The following KIAA1549L variants were observed in gnomAD, a reference collection of about 807,000 sequenced individuals.
KIAA1549L encodes UPF0606 protein KIAA1549L.
Under a neutral mutation model 160.7 loss-of-function variants are expected in KIAA1549L, and 88 were observed. The ratio of observed to expected loss-of-function variants is 0.55; its 90% CI spans 0.46 to 0.65. The LOEUF (loss-of-function observed/expected upper bound fraction) is 0.65. KIAA1549L is among the 30% of genes least tolerant of loss of function. The pLI is 0.00. For missense variants in KIAA1549L, 2,258 were observed against 2,437.5 expected, an observed-to-expected ratio of 0.93 and a Z score of 1.55; for synonymous variants, 950 against 976.7, an observed-to-expected ratio of 0.97 and a Z score of 0.51.
rs1269237742 is a variant in KIAA1549L at position 33,528,615 on chromosome 11, C to CAT, written c.239-13183_239-13182dup. Reference sequence around the variant, plus strand: ...CAATGAGTGGATAAAGAAAAAGATACATATAGATATACACCATGGAATACC... The same window carrying CAT: ...CAATGAGTGGATAAAGAAAAAGATACATATATAGATATACACCATGGAATACC... On this transcript the variant is annotated intron_variant, in intron 1 of 20. Coordinates refer to ENST00000658780, the MANE Select transcript of KIAA1549L (RefSeq NM_012194.3). Among the ~76,000 whole-genome samples, 16 of 152,272 alleles carry CAT rather than the reference C, an allele frequency of 1.1e-4. No homozygotes were observed. In the East Asian group the frequency reaches 3.1e-3, roughly 29 times the overall value.
At chr11:33,426,834 CT>C (rs903415569) in intron 1 of KIAA1549L, among the ~76,000 whole-genome samples, 2 of 152,172 alleles carry the variant, frequency 1.3e-5, no homozygotes, top group African/African-American at 2.4e-5. Context: ...GGGTGCTCCC[CT>C]GAGGGCCTCC....
At chr11:33,523,403 CT>C (rs1853541862) in intron 1 of KIAA1549L, among the ~76,000 whole-genome samples, 1 of 152,200 alleles carries the variant, frequency 6.6e-6, no homozygotes, top group African/African-American at 2.4e-5. Flanking sequence ...TAGAGAACCC[CT>C]TTCCCCCCTC....
Position 33,665,865 on chromosome 11 carries a change from A to AG in KIAA1549L, c.6160-2002dup, listed in dbSNP as rs546782335. ...AGCAGACACCCCCAAGCCAGCAGGGAGGGGGGCACCTTCCCAAGATGCTGA... is the reference window on the plus strand; with the variant it reads ...AGCAGACACCCCCAAGCCAGCAGGGAGGGGGGGCACCTTCCCAAGATGCTGA... On this transcript the variant is annotated intron_variant, in intron 20 of 20. Coordinates refer to ENST00000658780, the MANE Select transcript of KIAA1549L (RefSeq NM_012194.3). Among the ~76,000 whole-genome samples, 730 of 152,244 alleles carry AG rather than the reference A, an allele frequency of 4.8e-3. 3 individuals are homozygous for AG. Among genetic ancestry groups the AG allele is most frequent in the Non-Finnish European group, 8.1e-3 (554 of 67,990 alleles).
intron 1 of KIAA1549L, among the ~76,000 whole-genome samples, chr11:33,527,800 A>T (rs1486252537): frequency 6.6e-6 from 1 of 152,242 alleles, no homozygotes; most frequent in East Asian, 1.9e-4. Flanking sequence ...TCAAAAGAAG[A>T]TGGTACAAGA....
At chr11:33,403,290 C>CATGCAGACACAG in intron 1 of KIAA1549L, 1 of 36,052 alleles carries the variant, frequency 2.8e-5, no homozygotes, top group Admixed American at 3.0e-4. Context: ...CAGACACACA[C>CATGCAGACACAG]ACACACACAC....
chr11:33,566,528 G>T (rs1855054394), intron 8 of KIAA1549L, among the ~76,000 whole-genome samples: 1 of 152,222 alleles, frequency 6.6e-6, no homozygotes, highest in African/African-American at 2.4e-5. Flanking sequence ...TGCATGAGCT[G>T]GGAGTGTCTC....
chr11:33,440,031 T>C (rs1439612223), intron 1 of KIAA1549L, among the ~76,000 whole-genome samples: 2 of 152,042 alleles, frequency 1.3e-5, no homozygotes, highest in East Asian at 3.8e-4. Flanking sequence ...TCTTATTTTA[T>C]GTGACATCTT....
chr11:33,545,189 C>G lies in KIAA1549L; in HGVS notation c.3196C>G (p.Pro1066Ala). The stretch of plus-strand genomic sequence containing the variant: ...CCTGGAGATGCCCAGAGCATCCACG[C>G]CACGCCCACTGACAGTCACGGCCGC... ...TNLEMPRASTPRPLTVTAALT... is the reference protein window; with the variant it reads ...TNLEMPRASTARPLTVTAALT... Residue 1066 changes from proline to alanine, a missense_variant, in exon 3 of 21, where the codon CCA (proline) becomes GCA (alanine). Coordinates refer to ENST00000658780, the MANE Select transcript of KIAA1549L (RefSeq NM_012194.3). The G allele has an allele frequency of 6.2e-7, 1 of 1,614,028 alleles. No individual in the cohort carries two copies. Among genetic ancestry groups the G allele is most frequent in the South Asian group, 1.1e-5 (1 of 91,084 alleles).
intron 10 of KIAA1549L, among the ~76,000 whole-genome samples, chr11:33,578,930 C>G (rs191633023): frequency 2.0e-5 from 3 of 152,208 alleles, no homozygotes; most frequent in Non-Finnish European, 2.9e-5. Flanking sequence ...CTTGGAAGAT[C>G]TAGCTCCAGT....
chr11:33,620,784 G>A (rs1004736656), intron 16 of KIAA1549L, among the ~76,000 whole-genome samples: 3 of 152,008 alleles, frequency 2.0e-5, no homozygotes, highest in Non-Finnish European at 4.4e-5. Context: ...GAAGCTAGAT[G>A]TCAGGGCTCA....
chr11:33,621,409 T>G lies in KIAA1549L; in HGVS notation c.5409+2747T>G, dbSNP rs149115874. Among the ~76,000 whole-genome samples the G allele has an allele frequency of 9.5e-3, 1,451 of 152,280 alleles. 18 individuals are homozygous for G. Among genetic ancestry groups the G allele is most frequent in the Middle Eastern group, 0.024 (7 of 294 alleles). ...GCACTAACAATACCTCACTTGGTAG[T>G]AATATTCTAGAAGGACACATTCCCA... On this transcript the variant is annotated intron_variant, in intron 16 of 20. Coordinates refer to ENST00000658780, the MANE Select transcript of KIAA1549L (RefSeq NM_012194.3).
At chr11:33,403,975 T>C (rs766678376) in intron 1 of KIAA1549L, among the ~76,000 whole-genome samples, 63 of 152,292 alleles carry the variant, frequency 4.1e-4, no homozygotes, top group South Asian at 1.0e-3. Context: ...AACCACTGAT[T>C]TAGGTATTTT....
intron 5 of KIAA1549L, 26 bp from the exon 6 acceptor site, chr11:33,552,082 G>A (rs754437053): frequency 6.2e-7 from 1 of 1,613,084 alleles, no homozygotes; most frequent in Non-Finnish European, 8.5e-7. Context: ...GCTTTAGTGA[G>A]CACTGATTGA....
intron 1 of KIAA1549L, among the ~76,000 whole-genome samples, chr11:33,436,311 A>G (rs35897606): frequency 0.044 from 6,771 of 152,322 alleles, 220 homozygotes; most frequent in Middle Eastern, 0.088. Flanking sequence ...AAGATCAGCA[A>G]TTGGCAAGCT....
At chr11:33,462,024 G>A (rs1483136682) in intron 1 of KIAA1549L, among the ~76,000 whole-genome samples, 2 of 152,198 alleles carry the variant, frequency 1.3e-5, no homozygotes, top group South Asian at 2.1e-4. Context: ...GAAGGTATAT[G>A]CTGACTTCCA....
chr11:33,523,229 G>T (rs772390884), intron 1 of KIAA1549L, among the ~76,000 whole-genome samples: 6 of 152,012 alleles, frequency 3.9e-5, no homozygotes, highest in Non-Finnish European at 7.4e-5. Flanking sequence ...ATATTAACAG[G>T]TATCACACAA....
Position 33,658,807 on chromosome 11 carries a change from G to A in KIAA1549L, c.5916G>A (p.Pro1972=), listed in dbSNP as rs780386590. 5.1e-6 allele frequency: 8 copies of A among 1,568,514 alleles called. No homozygotes were observed. The highest frequency in any genetic ancestry group is 4.7e-5 in the South Asian group (4 of 84,760). ...TRMAESTGPE[P]AQLHDSASFT... ...TGGCCGAGTCTACAGGGCCCGAGCC[G>A]GCCCAGCTGCACGACAGCGCCTCCT... The change falls in exon 19 of 21, where the codon CCG becomes CCA. Residue 1972 remains proline, a synonymous_variant. Coordinates refer to ENST00000658780, the MANE Select transcript of KIAA1549L (RefSeq NM_012194.3).
chr11:33,607,437 G>A (rs1009381346), intron 14 of KIAA1549L, among the ~76,000 whole-genome samples: 4 of 152,142 alleles, frequency 2.6e-5, no homozygotes, highest in Non-Finnish European at 5.9e-5. Flanking sequence ...ATAGATAGAT[G>A]CCAGAAGTTA....
At chr11:33,635,643 C>T (rs1284735099) in intron 16 of KIAA1549L, among the ~76,000 whole-genome samples, 2 of 151,678 alleles carry the variant, frequency 1.3e-5, no homozygotes, top group African/African-American at 2.4e-5. Context: ...CCTCAAGAGC[C>T]CTTTATCCCT....
Sources: allele counts gnomAD v4.1 joint callset (sites outside exome capture counted in the v4.1 genomes callset), GRCh38; gene constraint gnomAD v4.1.1; transcripts MANE v1.5; gene names NCBI Gene and HGNC (gene_info 2026-07-23, HGNC 2026-07-21).